The following THSD7B variants were observed in gnomAD, a reference collection of about 807,000 sequenced individuals.
THSD7B encodes thrombospondin type 1 domain containing 7B.
A neutral mutation model predicts 213.6 loss-of-function variants in THSD7B; 138 were observed. The ratio of observed to expected loss-of-function variants is 0.65; its 90% CI spans 0.56 to 0.74. THSD7B has a LOEUF of 0.74. THSD7B is among the 30% of genes least tolerant of loss of function. The pLI is 0.00. For missense variants in THSD7B, 1,931 were observed against 1,991.5 expected, an observed-to-expected ratio of 0.97 and a Z score of 0.58; for synonymous variants, 742 against 687.0, an observed-to-expected ratio of 1.08 and a Z score of -1.25.
chr2:137,116,199 C>T (rs1407184267), intron 5 of THSD7B, among the ~76,000 whole-genome samples: 2 of 152,136 alleles, frequency 1.3e-5, no homozygotes, highest in African/African-American at 4.8e-5. Context: ...ACCATAGCCT[C>T]AGATAAGGTA....
chr2:137,076,760 G>T (rs960084204), intron 3 of THSD7B, among the ~76,000 whole-genome samples: 2 of 151,684 alleles, frequency 1.3e-5, no homozygotes, highest in Admixed American at 1.3e-4. Flanking sequence ...TTTTATAGTG[G>T]TGGTACCATC....
chr2:137,557,057 C>G (rs1293246129), intron 15 of THSD7B, among the ~76,000 whole-genome samples: 2 of 152,090 alleles, frequency 1.3e-5, no homozygotes, highest in Non-Finnish European at 2.9e-5. Context: ...CCTTAGAGAC[C>G]TACAAAGAGA....
chr2:136,967,454 C>G (rs1329384870), intron 2 of THSD7B, among the ~76,000 whole-genome samples: 6 of 152,220 alleles, frequency 3.9e-5, no homozygotes, highest in Admixed American at 6.5e-5. Context: ...GTCTCATTCT[C>G]TCCCTGTCCT....
At chr2:137,429,321 G>A (rs1426905241) in intron 14 of THSD7B, among the ~76,000 whole-genome samples, 1 of 152,146 alleles carries the variant, frequency 6.6e-6, no homozygotes, top group Non-Finnish European at 1.5e-5. Flanking sequence ...TTATATCTCA[G>A]TAAAGCTGTG....
intron 8 of THSD7B, 105 bp downstream of exon 8, chr2:137,231,340 G>T (rs1681635838): frequency 1.8e-6 from 2 of 1,083,986 alleles, no homozygotes; most frequent in African/African-American, 1.6e-5. Flanking sequence ...GTCACACATA[G>T]ACGATATCTC....
At chr2:136,933,614 T>A (rs1262738105) in intron 2 of THSD7B, among the ~76,000 whole-genome samples, 1 of 152,086 alleles carries the variant, frequency 6.6e-6, no homozygotes, top group African/African-American at 2.4e-5. Flanking sequence ...ATTCTTAGTT[T>A]GTGAAGAGAC....
chr2:137,163,615 A>G (rs1465425815), intron 6 of THSD7B, among the ~76,000 whole-genome samples: 1 of 152,204 alleles, frequency 6.6e-6, no homozygotes, highest in Non-Finnish European at 1.5e-5. Flanking sequence ...CTCCAGAGGG[A>G]GCATGTGGAG....
Position 136,812,593 on chromosome 2 carries a change from C to A in THSD7B, c.-36+46906C>A, listed in dbSNP as rs769466966. On this transcript the variant is annotated intron_variant, in intron 1 of 27. Coordinates refer to ENST00000409968, the MANE Select transcript of THSD7B (RefSeq NM_001316349.2). ...ATCACCATGCTAAATACTTTATATA[C>A]AATGTCCTATTTACTCATCAAAGCA... Among the ~76,000 whole-genome samples the A allele has an allele frequency of 4.1e-4, 63 of 152,136 alleles. 1 individual carries two copies. The highest frequency in any genetic ancestry group is 1.2e-3 in the Admixed American group (18 of 15,278).
intron 5 of THSD7B, among the ~76,000 whole-genome samples, chr2:137,119,692 T>C (rs1688513005): frequency 6.6e-6 from 1 of 152,142 alleles, no homozygotes; most frequent in South Asian, 2.1e-4. Context: ...TATGGATATG[T>C]GCTACAGCCT....
At position 137,133,563 on chromosome 2, in the gene THSD7B, T is replaced by G. The variant is rs151173550; in HGVS notation, c.1369+18270T>G. Among the ~76,000 whole-genome samples the G allele has an allele frequency of 2.1e-3, 314 of 152,220 alleles. 1 individual carries two copies. Among genetic ancestry groups the G allele is most frequent in the African/African-American group, 7.3e-3 (303 of 41,532 alleles). On this transcript the variant is annotated intron_variant, in intron 5 of 27. Transcript: ENST00000409968. ...TGGGAGTGGGATCCTGCATTTCTAG[T>G]AAGTTCCCTGGAGATGCCTATGCTG...
At chr2:136,884,473 A>G (rs750130803) in intron 2 of THSD7B, among the ~76,000 whole-genome samples, 16 of 152,184 alleles carry the variant, frequency 1.1e-4, no homozygotes, top group Non-Finnish European at 1.2e-4. Context: ...TCCAGCTTTC[A>G]TATCTGCCAG....
chr2:137,251,120 A>C (rs1682165498), intron 10 of THSD7B, among the ~76,000 whole-genome samples: 4 of 152,206 alleles, frequency 2.6e-5, no homozygotes, highest in African/African-American at 9.6e-5. Flanking sequence ...ATGTCAAATA[A>C]ATAGATGCTA....
At chr2:137,591,020 C>A (rs760478249) in intron 17 of THSD7B, among the ~76,000 whole-genome samples, 2 of 151,442 alleles carry the variant, frequency 1.3e-5, no homozygotes, top group Non-Finnish European at 3.0e-5. Flanking sequence ...TAAAAATTCC[C>A]TTGTGGAAGA....
intron 17 of THSD7B, among the ~76,000 whole-genome samples, chr2:137,591,922 CT>C (rs139977317): frequency 4.6e-4 from 70 of 151,150 alleles, no homozygotes; most frequent in South Asian, 1.3e-3. Flanking sequence ...TTTATTAGCT[CT>C]TTTTTTTATT....
intron 17 of THSD7B, among the ~76,000 whole-genome samples, chr2:137,582,622 G>A (rs1681606824): frequency 6.6e-6 from 1 of 151,942 alleles, no homozygotes; most frequent in African/African-American, 2.4e-5. Context: ...AGTTTGCTGA[G>A]GATGATGGTT....
chr2:137,581,771 TAAA>T (rs1167680028), intron 17 of THSD7B, among the ~76,000 whole-genome samples: 6 of 126,670 alleles, frequency 4.7e-5, no homozygotes, highest in Admixed American at 1.6e-4. Flanking sequence ...AAAAAAAAAA[TAAA>T]AAAAAAAAAA....
At chr2:137,473,639 T>C (rs556681721) in intron 15 of THSD7B, among the ~76,000 whole-genome samples, 5 of 152,228 alleles carry the variant, frequency 3.3e-5, no homozygotes, top group Middle Eastern at 3.4e-3. Context: ...AGATGTGTGA[T>C]TGGGAGTGCA....
At chr2:137,022,115 A>C (rs549339366) in intron 2 of THSD7B, among the ~76,000 whole-genome samples, 1 of 152,240 alleles carries the variant, frequency 6.6e-6, no homozygotes, top group Non-Finnish European at 1.5e-5. Context: ...GTTTTTTTCC[A>C]GTTTGGGGCT....
chr2:137,467,140 G>T (rs1283253166), intron 15 of THSD7B, among the ~76,000 whole-genome samples: 1 of 152,072 alleles, frequency 6.6e-6, no homozygotes, highest in East Asian at 1.9e-4. Flanking sequence ...GATTTGCTCA[G>T]ACAAGTGGTT....
Sources: gnomAD v4.1 joint callset for allele counts (sites outside exome capture counted in the v4.1 genomes callset) on GRCh38, gnomAD v4.1.1 for gene constraint, MANE v1.5 for transcripts, NCBI Gene and HGNC (gene_info 2026-07-23, HGNC 2026-07-21) for gene names.